Variants in DEPTOR observed in about 807,000 individuals in gnomAD.
The protein encoded by DEPTOR is DEP domain-containing mTOR-interacting protein.
A neutral mutation model predicts 41.6 loss-of-function variants in DEPTOR; 41 were observed. The observed-to-expected ratio is 0.98, with a 90% CI of 0.77 to 1.28. DEPTOR has a LOEUF of 1.28. Among genes scored for constraint, DEPTOR ranks in the 50% most tolerant of loss-of-function variants. The pLI is 0.00. For missense variants in DEPTOR, 514 were observed against 527.9 expected (o/e 0.97, Z 0.26); for synonymous variants, 195 against 192.3 (o/e 1.01, Z -0.12).
At chr8:119,988,964 T>TTC (rs1454852939) in intron 4 of DEPTOR, among the ~76,000 whole-genome samples, 4 of 140,200 alleles carry the variant, frequency 2.9e-5, no homozygotes, top group South Asian at 4.7e-4. Context: ...TTTTCTTTTT[T>TTC]TTTTTTTTTT....
chr8:119,877,384 C>T (rs770742706), intron 1 of DEPTOR, among the ~76,000 whole-genome samples: 1 of 152,156 alleles, frequency 6.6e-6, no homozygotes, highest in Admixed American at 6.5e-5. Flanking sequence ...GGAATTAAAG[C>T]GGTCGTATGC....
intron 8 of DEPTOR, among the ~76,000 whole-genome samples, chr8:120,028,029 G>T (rs1160781384): frequency 2.0e-5 from 3 of 152,218 alleles, no homozygotes; most frequent in African/African-American, 7.2e-5. Context: ...ATATGATGCT[G>T]CGTAATCCGG....
chr8:120,006,254 C>T (rs191230479), intron 6 of DEPTOR, among the ~76,000 whole-genome samples: 1 of 152,078 alleles, frequency 6.6e-6, no homozygotes, highest in East Asian at 1.9e-4. Context: ...TGAGGCTGGG[C>T]GGCTCATGCG....
intron 4 of DEPTOR, among the ~76,000 whole-genome samples, chr8:119,979,811 G>A (rs1828740308): frequency 6.6e-6 from 1 of 152,106 alleles, no homozygotes; most frequent in Non-Finnish European, 1.5e-5. Context: ...GCTCACTCCT[G>A]TGACTCTGAA....
At chr8:119,955,110 G>A (rs568844381) in intron 3 of DEPTOR, among the ~76,000 whole-genome samples, 3 of 152,154 alleles carry the variant, frequency 2.0e-5, no homozygotes, top group South Asian at 2.1e-4. Flanking sequence ...TAACCACCTC[G>A]GCCTCCCAAA....
chr8:120,031,375 G>C (rs1313575036), intron 8 of DEPTOR, among the ~76,000 whole-genome samples: 1 of 152,126 alleles, frequency 6.6e-6, no homozygotes, highest in Non-Finnish European at 1.5e-5. Context: ...TGAGACAGGA[G>C]AATTGCTTGA....
intron 4 of DEPTOR, among the ~76,000 whole-genome samples, chr8:119,967,210 C>T (rs1200738239): frequency 6.6e-6 from 1 of 151,900 alleles, no homozygotes; most frequent in African/African-American, 2.4e-5. Context: ...TTCCGAGTTG[C>T]TGAGATTACA....
chr8:119,966,250 A>C (rs1828559413), intron 4 of DEPTOR, among the ~76,000 whole-genome samples: 1 of 152,122 alleles, frequency 6.6e-6, no homozygotes, highest in Non-Finnish European at 1.5e-5. Context: ...GGATCACCTG[A>C]GGTGAGGAGT....
chr8:119,942,115 T>C (rs1399313295), intron 3 of DEPTOR, among the ~76,000 whole-genome samples: 1 of 152,232 alleles, frequency 6.6e-6, no homozygotes, highest in Non-Finnish European at 1.5e-5. Flanking sequence ...CAGCTGTGCT[T>C]GCCAGAAGCC....
intron 8 of DEPTOR, among the ~76,000 whole-genome samples, chr8:120,018,052 G>GA (rs112593443): frequency 0.15 from 23,230 of 151,862 alleles, 2,657 homozygotes; most frequent in African/African-American, 0.32. Flanking sequence ...TCATAGCAAG[G>GA]AAAAAAATGT....
chr8:120,010,086 T>C (rs1266545916), intron 8 of DEPTOR, among the ~76,000 whole-genome samples: 1 of 152,080 alleles, frequency 6.6e-6, no homozygotes, highest in Non-Finnish European at 1.5e-5. Flanking sequence ...GATCTGGAGA[T>C]CTAGATCTCG....
At chr8:119,905,637 T>TG (rs1827652838) in intron 1 of DEPTOR, among the ~76,000 whole-genome samples, 1 of 149,804 alleles carries the variant, frequency 6.7e-6, no homozygotes, top group African/African-American at 2.4e-5. Flanking sequence ...ATGGGCTTTT[T>TG]TTTTTTTTTT....
intron 1 of DEPTOR, among the ~76,000 whole-genome samples, chr8:119,908,193 T>C (rs1827691244): frequency 6.6e-6 from 1 of 152,158 alleles, no homozygotes; most frequent in Non-Finnish European, 1.5e-5. Flanking sequence ...GGAGGGTGGC[T>C]GGCCAAGAGA....
At chr8:120,049,480 T>A (rs916430245) in intron 8 of DEPTOR, 96 bp from the exon 9 acceptor site, 1 of 1,377,996 alleles carries the variant, frequency 7.3e-7, no homozygotes, top group African/African-American at 1.5e-5. Flanking sequence ...ATTTTAAGAA[T>A]GAAGTTACCT....
At chr8:119,956,646 C>A (rs551995946) in intron 3 of DEPTOR, among the ~76,000 whole-genome samples, 4 of 147,762 alleles carry the variant, frequency 2.7e-5, no homozygotes, top group South Asian at 2.2e-4. Flanking sequence ...TAAATGGAGA[C>A]TATCAATAGT....
intron 1 of DEPTOR, among the ~76,000 whole-genome samples, chr8:119,902,075 C>T (rs1382517005): frequency 6.6e-6 from 1 of 152,070 alleles, no homozygotes; most frequent in Non-Finnish European, 1.5e-5. Context: ...TCCCCAACAT[C>T]CTACTGACCC....
intron 1 of DEPTOR, among the ~76,000 whole-genome samples, chr8:119,908,443 AT>A (rs985969205): frequency 1.3e-5 from 2 of 152,112 alleles, no homozygotes; most frequent in African/African-American, 2.4e-5. Context: ...GAAAAAAAAA[AT>A]TTTTTTTAAC....
At chr8:119,880,751 A>G (rs1241087414) in intron 1 of DEPTOR, among the ~76,000 whole-genome samples, 1 of 152,244 alleles carries the variant, frequency 6.6e-6, no homozygotes, top group Non-Finnish European at 1.5e-5. Flanking sequence ...TTTGGACTCC[A>G]CTGATTCAGA....
At chr8:119,883,850 G>C (rs1438618974) in intron 1 of DEPTOR, among the ~76,000 whole-genome samples, 1 of 152,134 alleles carries the variant, frequency 6.6e-6, no homozygotes. Context: ...AGAGCATCCA[G>C]CTCCATGAGG....
Sources: gnomAD v4.1 joint callset for allele counts (sites outside exome capture counted in the v4.1 genomes callset) on GRCh38, gnomAD v4.1.1 for gene constraint, MANE v1.5 for transcripts, NCBI Gene and HGNC (gene_info 2026-07-23, HGNC 2026-07-21) for gene names.